KIF1C: variants seen among roughly 807,000 people sequenced by gnomAD.
KIF1C encodes the protein kinesin family member 1C, also known as kinesin-like protein KIF1C.
KIF1C carries 61 observed loss-of-function variants against 126.5 expected under a neutral mutation model. That is an observed-to-expected ratio of 0.48 (90% CI 0.39 to 0.60). The LOEUF is 0.60. Among genes scored for constraint, KIF1C ranks in the 20% least tolerant of loss-of-function variants. The probability of loss-of-function intolerance (pLI) is 0.00; values close to 1 mark genes in which losing one functional copy is unlikely to be tolerated. For missense variants in KIF1C, 1,315 were observed against 1,489.2 expected, an observed-to-expected ratio of 0.88 and a Z score of 1.93; for synonymous variants, 640 against 580.6, an observed-to-expected ratio of 1.10 and a Z score of -1.47.
intron 3 of KIF1C, 122 bp from the exon 4 acceptor site, chr17:5,000,650 A>G: frequency 2.2e-6 from 2 of 923,844 alleles, no homozygotes; most frequent in South Asian, 1.4e-5. Flanking sequence ...TAAAGGGGAG[A>G]GAAGAGTCAG....
chr17:5,017,929 A>T (rs1354380982), intron 18 of KIF1C, among the ~76,000 whole-genome samples: 1 of 151,818 alleles, frequency 6.6e-6, no homozygotes, highest in Non-Finnish European at 1.5e-5. Context: ...CAGTCTTCTC[A>T]CCCAGCCCCA....
Position 5,023,212 on chromosome 17 carries a change from G to A in KIF1C, c.2629-256G>A, listed in dbSNP as rs964420897. Among the ~76,000 whole-genome samples the A allele has an allele frequency of 9.9e-5, 15 of 152,006 alleles. No homozygotes were observed. The highest frequency in any genetic ancestry group is 3.6e-4 in the African/African-American group (15 of 41,392). On this transcript the variant is annotated intron_variant, in intron 22 of 22. Coordinates refer to ENST00000320785, the MANE Select transcript of KIF1C (RefSeq NM_006612.6). The surrounding 1 kb of genome is among the most constrained non-coding windows in gnomAD (Gnocchi z 4.2). ...TTTTTTTGTATTTTAGTAGAGACGG[G>A]GTTTCACCATGTTGGCCAGGATGGT...
chr17:5,010,086 C>T (rs182538893), intron 16 of KIF1C, among the ~76,000 whole-genome samples: 3 of 152,010 alleles, frequency 2.0e-5, no homozygotes, highest in Admixed American at 6.5e-5. Context: ...ACCACCACGC[C>T]GGGCTAATTT....
At chr17:5,004,444 C>T (rs1014523290) in intron 11 of KIF1C, 123 bp from the exon 12 acceptor site, 19 of 864,272 alleles carry the variant, frequency 2.2e-5, no homozygotes, top group South Asian at 1.3e-4. Context: ...CGCTAGACTC[C>T]CCTACCTCAG....
At chr17:5,019,795 G>T (rs1232664757) in intron 18 of KIF1C, 6 of 597,488 alleles carry the variant, frequency 1.0e-5, no homozygotes, top group Non-Finnish European at 1.5e-5. Context: ...GGGAATTGTA[G>T]TTGGGGCTCT....
At position 5,023,968 on chromosome 17, in the gene KIF1C, G is replaced by A. The variant is rs774273753; in HGVS notation, c.3129G>A (p.Ala1043=). 35 of 1,581,194 alleles carry A rather than the reference G, an allele frequency of 2.2e-5. 1 individual carries two copies. The highest frequency in any genetic ancestry group is 1.7e-4 in the South Asian group (15 of 87,512). ...ATGGAGGGGGCCGATCCCGGGGAGC[G>A]GGTTCTGCACAGCCTGAACCCCAGC... The part of the protein sequence containing the change: ...SLDGGGRSRG[A]GSAQPEPQHF... The change falls in exon 23 of 23, where the codon GCG becomes GCA. Residue 1043 remains alanine, a synonymous_variant. Transcript: ENST00000320785. The surrounding 1 kb of genome is among the most constrained non-coding windows in gnomAD (Gnocchi z 4.2).
intron 2 of KIF1C, 84 bp from the exon 3 acceptor site, chr17:5,000,136 G>T (rs151185284): frequency 2.6e-5 from 19 of 741,136 alleles, no homozygotes; most frequent in Non-Finnish European, 3.5e-5. Flanking sequence ...GATGTGAAGA[G>T]ACTGGTTCCG....
intron 12 of KIF1C, 99 bp from the exon 13 acceptor site, chr17:5,004,756 G>C (rs906401276): frequency 6.3e-7 from 1 of 1,596,632 alleles, no homozygotes; most frequent in Admixed American, 1.7e-5. Flanking sequence ...CCGGAGCCTT[G>C]CCACAATATC....
Position 5,020,788 on chromosome 17 carries a change from C to T in KIF1C, c.1938-18C>T. 2 of 1,596,684 alleles carry T rather than the reference C, an allele frequency of 1.3e-6. No individual in the cohort carries two copies. The highest frequency in any genetic ancestry group is 8.5e-7 in the Non-Finnish European group (1 of 1,171,262). On this transcript the variant is annotated intron_variant, in intron 20 of 22. Transcript: ENST00000320785. The surrounding 1 kb of genome is among the most constrained non-coding windows in gnomAD (Gnocchi z 5.8). ...ACTCACCAAGGTTGCTCTTCCTTCC[C>T]TCCCTGTCCAATCCCAGGCTGCAGG...
intron 16 of KIF1C, among the ~76,000 whole-genome samples, chr17:5,012,875 C>T (rs1317553944): frequency 6.6e-6 from 1 of 152,086 alleles, no homozygotes; most frequent in East Asian, 1.9e-4. Flanking sequence ...GGAGAAGGTG[C>T]TGTGGGAGAA....
Position 5,015,582 on chromosome 17 carries a change from C to CTTTTTTT in KIF1C, c.1666+765_1666+771dup, listed in dbSNP as rs58961639. ...TACAGGCGTGAGCCACTGCCCCCAGCTTTTTTTTTTTTTTTTTTTTTTTTT... is the reference window on the plus strand; with the variant it reads ...TACAGGCGTGAGCCACTGCCCCCAGCTTTTTTTTTTTTTTTTTTTTTTTTTTTTTTTT... On this transcript the variant is annotated intron_variant, in intron 18 of 22. Transcript: ENST00000320785. Among the ~76,000 whole-genome samples, 152 of 71,246 alleles carry CTTTTTTT rather than the reference C, an allele frequency of 2.1e-3. 4 individuals carry two copies. Among genetic ancestry groups the CTTTTTTT allele is most frequent in the East Asian group, 0.014 (31 of 2,182 alleles). 46.7% of individuals were successfully genotyped at this position (71,246 alleles called of 152,430 possible). A position where few individuals can be genotyped will look rare whatever the true frequency, so the allele number is the denominator to read the frequency against.
rs1286704517 is a variant in KIF1C at position 5,020,259 on chromosome 17, G to A, written c.1750+180G>A. On this transcript the variant is annotated intron_variant, in intron 19 of 22. Coordinates refer to ENST00000320785, the MANE Select transcript of KIF1C (RefSeq NM_006612.6). The surrounding 1 kb of genome is among the most constrained non-coding windows in gnomAD (Gnocchi z 5.8). Reference sequence around the variant, plus strand: ...GAGTCAGGTCTTGGTTTCTCTTTCCGCCCCAGGGAACAGGAAGAGGATGCC... The same window carrying A: ...GAGTCAGGTCTTGGTTTCTCTTTCCACCCCAGGGAACAGGAAGAGGATGCC... 6.6e-6 allele frequency among the ~76,000 whole-genome samples: 1 copy of A among 152,180 alleles called. No individual in the cohort carries two copies. The highest frequency in any genetic ancestry group is 2.1e-4 in the South Asian group (1 of 4,832).
At chr17:5,004,728 C>A in intron 12 of KIF1C, 83 bp downstream of exon 12, 1 of 1,581,588 alleles carries the variant, frequency 6.3e-7, no homozygotes, top group Non-Finnish European at 8.7e-7. Flanking sequence ...GGACCCTGCT[C>A]GTGAGACGGG....
intron 7 of KIF1C, 32 bp from the exon 8 acceptor site, chr17:5,002,699 C>T (rs1974626961): frequency 1.4e-5 from 23 of 1,612,438 alleles, no homozygotes; most frequent in Non-Finnish European, 1.7e-5. Flanking sequence ...AGGTGAGAGG[C>T]AGGATCCAGT....
rs144939400 is a variant in KIF1C at position 5,007,051 on chromosome 17, G to T, written c.1302G>T (p.Gln434His). The T allele has an allele frequency of 2.3e-4, 370 of 1,603,932 alleles. 3 individuals are homozygous for T. In the South Asian group the frequency reaches 3.5e-3, roughly 15 times the overall value. The change falls in exon 14 of 23, where the codon CAG becomes CAT. Residue 434 changes from glutamine to histidine, a missense_variant. By Grantham distance (24) the Gln-to-His change is conservative. This residue lies in a region of KIF1C where 874 missense variants were observed against 1,053.2 expected (regional missense o/e 0.83). Coordinates refer to ENST00000320785, the MANE Select transcript of KIF1C (RefSeq NM_006612.6). ...EPSFSPNTES[Q>H]IGPEEAMERL... ...CATTCTCCCCCAACACGGAGTCCCA[G>T]ATTGGGCCTGAGGAAGCCATGGAGA...
At position 5,000,803 on chromosome 17, in the gene KIF1C, C is replaced by T. The variant is rs1382798374; in HGVS notation, c.138C>T (p.Ala46=). 1.2e-6 allele frequency: 2 copies of T among 1,614,040 alleles called. No individual in the cohort carries two copies. The highest frequency in any genetic ancestry group is 2.2e-5 in the South Asian group (2 of 91,076). Reference sequence around the variant, plus strand: ...TCAATCCTAAACAGAGCAAGGATGCCCCCAAAAGCTTCACCTTTGACTACT... The same window carrying T: ...TCAATCCTAAACAGAGCAAGGATGCTCCCAAAAGCTTCACCTTTGACTACT... ...SIINPKQSKD[A]PKSFTFDYSY... is the part of the protein sequence containing the mutation. Residue 46 remains alanine, a synonymous_variant, in exon 4 of 23, where the codon GCC becomes GCT. Transcript: ENST00000320785.
At chr17:5,007,623 G>A (rs1974765861) in intron 16 of KIF1C, 81 bp downstream of exon 16, 6 of 1,205,906 alleles carry the variant, frequency 5.0e-6, no homozygotes, top group Admixed American at 4.7e-5. Context: ...GGTAGTGAGT[G>A]CTGTCCCTGA....
At position 5,007,516 on chromosome 17, in the gene KIF1C, A is replaced by G; in HGVS notation, c.1465A>G (p.Thr489Ala). ...MGVAVREDGG[T>A]VGVFSPKKTP... The stretch of plus-strand genomic sequence containing the variant: ...GGTGGCCGTCCGGGAGGATGGGGGA[A>G]CTGTGGGCGTCTTCTCTCCAAAGAA... The change falls in exon 16 of 23, where the codon ACT (threonine) becomes GCT (alanine). Residue 489 changes from threonine (T) to alanine (A), a missense_variant. By Grantham distance (58) the Thr-to-Ala change is moderately conservative (BLOSUM62 0). Transcript: ENST00000320785. The G allele has an allele frequency of 6.4e-7, 1 of 1,565,556 alleles. No homozygotes were observed. The highest frequency in any genetic ancestry group is 8.7e-7 in the Non-Finnish European group (1 of 1,156,004).
At chr17:5,007,163 G>T in intron 14 of KIF1C, 79 bp downstream of exon 14, 1 of 1,572,874 alleles carries the variant, frequency 6.4e-7, no homozygotes, top group Non-Finnish European at 8.6e-7. Flanking sequence ...GCTTGAGAAA[G>T]AAGGAATTCT....
Sources: gnomAD v4.1 joint callset for allele counts (sites outside exome capture counted in the v4.1 genomes callset) on GRCh38, gnomAD v4.1.1 for gene constraint, gnomAD v4.1.1 regional missense constraint, Gnocchi (gnomAD v3.1) non-coding constraint, MANE v1.5 for transcripts, NCBI Gene and HGNC (gene_info 2026-07-23, HGNC 2026-07-21) for gene names.